ASIC2: variants seen among roughly 807,000 people sequenced by gnomAD.
ASIC2 encodes the protein acid-sensing ion channel 2.
ASIC2 carries 25 observed loss-of-function variants against 57.3 expected under a neutral mutation model. The ratio of observed to expected loss-of-function variants is 0.44; its 90% CI spans 0.32 to 0.61. ASIC2 has a LOEUF of 0.61. ASIC2 is among the 20% of genes least tolerant of loss of function. The pLI, the probability that ASIC2 is intolerant of heterozygous loss-of-function variation, is 0.06. For missense variants in ASIC2, 641 were observed against 738.1 expected (o/e 0.87, Z 1.52); for synonymous variants, 319 against 307.5 (o/e 1.04, Z -0.39).
intron 1 of ASIC2, among the ~76,000 whole-genome samples, chr17:33,366,881 T>A (rs1310311599): frequency 6.6e-6 from 1 of 152,240 alleles, no homozygotes; most frequent in African/African-American, 2.4e-5. Context: ...TTGTACACCC[T>A]GTTAATAAAT....
intron 1 of ASIC2, among the ~76,000 whole-genome samples, chr17:33,241,190 T>A (rs1409360871): frequency 1.3e-5 from 2 of 152,226 alleles, no homozygotes; most frequent in Non-Finnish European, 2.9e-5. Flanking sequence ...TTCTCTTAAA[T>A]GCCACCCTGT....
intron 1 of ASIC2, among the ~76,000 whole-genome samples, chr17:33,200,620 G>A (rs1906820097): frequency 6.6e-6 from 1 of 152,280 alleles, no homozygotes; most frequent in Admixed American, 6.5e-5. Flanking sequence ...CTGTGATTCT[G>A]TTGGCTCTAG....
intron 1 of ASIC2, among the ~76,000 whole-genome samples, chr17:33,298,708 C>T (rs1253183913): frequency 6.6e-6 from 1 of 152,254 alleles, no homozygotes; most frequent in African/African-American, 2.4e-5. Flanking sequence ...GTTTACAGTC[C>T]CACCAACAGT....
intron 1 of ASIC2, among the ~76,000 whole-genome samples, chr17:33,760,968 C>T (rs2142112258): frequency 6.6e-6 from 1 of 152,272 alleles, no homozygotes; most frequent in South Asian, 2.1e-4. Context: ...CAGACTGGCT[C>T]TTGTATTCTA....
chr17:34,097,580 G>A (rs1301321168), intron 1 of ASIC2, among the ~76,000 whole-genome samples: 1 of 152,122 alleles, frequency 6.6e-6, no homozygotes, highest in African/African-American at 2.4e-5. Flanking sequence ...TTGTGAGAGA[G>A]AAAAAATGGT....
chr17:33,991,382 C>G (rs1567780710), intron 1 of ASIC2, among the ~76,000 whole-genome samples: 1 of 152,214 alleles, frequency 6.6e-6, no homozygotes. Flanking sequence ...CAGTCAAGTT[C>G]TCTTTCTACA....
At chr17:33,751,144 A>G (rs1567706064) in intron 1 of ASIC2, among the ~76,000 whole-genome samples, 1 of 152,162 alleles carries the variant, frequency 6.6e-6, no homozygotes, top group African/African-American at 2.4e-5. Context: ...GTTCAGTTTA[A>G]TTTAACAGCT....
intron 3 of ASIC2, among the ~76,000 whole-genome samples, chr17:33,076,123 G>T (rs1331400483): frequency 6.6e-6 from 1 of 152,082 alleles, no homozygotes; most frequent in African/African-American, 2.4e-5. Flanking sequence ...GGGAACTGTG[G>T]TCTCTAATCC....
intron 1 of ASIC2, among the ~76,000 whole-genome samples, chr17:33,370,990 C>T (rs62069425): frequency 1.5e-4 from 14 of 90,426 alleles, no homozygotes; most frequent in Admixed American, 8.0e-4. Flanking sequence ...AGGAGGAACA[C>T]GCCCACTCTA....
At chr17:33,106,928 A>C (rs2092237280) in intron 2 of ASIC2, among the ~76,000 whole-genome samples, 1 of 152,196 alleles carries the variant, frequency 6.6e-6, no homozygotes, top group Non-Finnish European at 1.5e-5. Flanking sequence ...AGGGAGGAGG[A>C]GTGAGAGATC....
chr17:33,863,853 T>C (rs960972654), intron 1 of ASIC2, among the ~76,000 whole-genome samples: 5 of 152,238 alleles, frequency 3.3e-5, no homozygotes, highest in African/African-American at 1.2e-4. Context: ...AAGTTAATCA[T>C]ATTTTTTATT....
At chr17:33,685,110 C>G (rs570248339) in intron 1 of ASIC2, among the ~76,000 whole-genome samples, 1 of 152,160 alleles carries the variant, frequency 6.6e-6, no homozygotes, top group African/African-American at 2.4e-5. Context: ...CTGGTTCCCC[C>G]TGGGGGGGCT....
chr17:33,162,670 G>C lies in ASIC2; in HGVS notation c.709-50603C>G, dbSNP rs750209463. The stretch of plus-strand genomic sequence containing the variant: ...TCCAGCTCTAGTTATTGGGTAAACT[G>C]TCTCACACTCGGACTTGGCTCACTA... On this transcript the variant is annotated intron_variant, in intron 1 of 9. Coordinates refer to ENST00000225823, the MANE Select transcript of ASIC2 (RefSeq NM_183377.2). Among the ~76,000 whole-genome samples, 75 of 152,214 alleles carry C rather than the reference G, an allele frequency of 4.9e-4. 1 individual carries two copies. The highest frequency in any genetic ancestry group is 6.8e-4 in the Non-Finnish European group (46 of 68,038).
chr17:33,233,514 T>TCACACACACA (rs36203893), intron 1 of ASIC2, among the ~76,000 whole-genome samples: 3 of 146,980 alleles, frequency 2.0e-5, no homozygotes, highest in Non-Finnish European at 3.0e-5. Flanking sequence ...AATTGGAAAT[T>TCACACACACA]CACACACACA....
chr17:33,377,137 T>A lies in ASIC2; in HGVS notation c.556-265070A>T, dbSNP rs550432235. 1.1e-4 allele frequency among the ~76,000 whole-genome samples: 16 copies of A among 152,222 alleles called. No homozygotes were observed. The South Asian group carries it at 2.7e-3, about 26-fold the overall frequency. On this transcript the variant is annotated intron_variant, in intron 1 of 9. Coordinates refer to the ASIC2 transcript ENST00000359872. ...TTGATGTCTGCTCACTGCAACCTCC[T>A]CCTCCTGGGTTCAAGTGATTCTCCT...
intron 1 of ASIC2, among the ~76,000 whole-genome samples, chr17:33,473,248 G>A (rs543328043): frequency 1.1e-4 from 16 of 152,366 alleles, no homozygotes; most frequent in African/African-American, 3.1e-4. Context: ...TTCTCCAGGC[G>A]AGAATGCTGG....
intron 1 of ASIC2, among the ~76,000 whole-genome samples, chr17:33,510,429 G>T (rs1032848653): frequency 1.3e-5 from 2 of 152,056 alleles, no homozygotes; most frequent in African/African-American, 4.8e-5. Flanking sequence ...AGGGTGGGAG[G>T]ATGGCTTGAG....
intron 1 of ASIC2, among the ~76,000 whole-genome samples, chr17:33,635,952 G>C (rs28639550): frequency 0.3 from 45,985 of 152,064 alleles, 7,131 homozygotes; most frequent in East Asian, 0.42. Flanking sequence ...AAACAGAATG[G>C]AGCCCATGCA....
chr17:33,929,229 G>A lies in ASIC2; in HGVS notation c.555+226749C>T, dbSNP rs142085931. Among the ~76,000 whole-genome samples the A allele has an allele frequency of 7.4e-3, 1,132 of 152,046 alleles. 20 individuals carry two copies. The highest frequency in any genetic ancestry group is 0.025 in the African/African-American group (1,039 of 41,468). On this transcript the variant is annotated intron_variant, in intron 1 of 9. Coordinates refer to the ASIC2 transcript ENST00000359872. ...ATTAGCTCTGTTCCCCAGTTAGCTC[G>A]CCAGCCCCTTTGCCTTGCCCTGCCC...
Sources: allele counts gnomAD v4.1 joint callset (sites outside exome capture counted in the v4.1 genomes callset), GRCh38; gene constraint gnomAD v4.1.1; transcripts MANE v1.5; gene names NCBI Gene and HGNC (gene_info 2026-07-23, HGNC 2026-07-21).